WWC1: variants seen among roughly 807,000 people sequenced by gnomAD.
The protein encoded by WWC1 is WW and C2 domain containing 1.
WWC1 carries 55 observed loss-of-function variants against 138.4 expected under a neutral mutation model. That is an observed-to-expected ratio of 0.40 (90% CI 0.32 to 0.50). The LOEUF is 0.50. WWC1 is among the 20% of genes least tolerant of loss of function. The pLI, the probability that WWC1 is intolerant of heterozygous loss-of-function variation, is 0.72. For missense variants in WWC1, 1,226 were observed against 1,420.4 expected (o/e 0.86, Z 2.20); for synonymous variants, 524 against 564.9 (o/e 0.93, Z 1.03).
intron 15 of WWC1, among the ~76,000 whole-genome samples, chr5:168,436,392 C>G (rs1399385233): frequency 2.6e-5 from 4 of 152,148 alleles, no homozygotes; most frequent in Admixed American, 1.3e-4. Flanking sequence ...CCCTGACCTC[C>G]CTATATCAGA....
chr5:168,380,274 A>G (rs1777516239), intron 2 of WWC1, among the ~76,000 whole-genome samples: 1 of 152,076 alleles, frequency 6.6e-6, no homozygotes, highest in Non-Finnish European at 1.5e-5. Context: ...AAGGCAGCAC[A>G]GGGCAACACA....
At chr5:168,380,133 A>G (rs1777504063) in intron 2 of WWC1, among the ~76,000 whole-genome samples, 1 of 152,228 alleles carries the variant, frequency 6.6e-6, no homozygotes, top group South Asian at 2.1e-4. Flanking sequence ...CCAAGTATGT[A>G]AAGACGTCCT....
chr5:168,366,954 T>C (rs1317094298), intron 1 of WWC1, among the ~76,000 whole-genome samples: 1 of 151,318 alleles, frequency 6.6e-6, no homozygotes, highest in Non-Finnish European at 1.5e-5. Flanking sequence ...CCTGCCACCA[T>C]GCCCAGCTAA....
chr5:168,433,040 C>A (rs941681410), intron 15 of WWC1, among the ~76,000 whole-genome samples: 3 of 152,242 alleles, frequency 2.0e-5, no homozygotes, highest in Non-Finnish European at 2.9e-5. Context: ...TGTGGGGCCA[C>A]ATCCTTGGAT....
chr5:168,348,592 G>A (rs958761975), intron 1 of WWC1, among the ~76,000 whole-genome samples: 1 of 152,200 alleles, frequency 6.6e-6, no homozygotes, highest in South Asian at 2.1e-4. Flanking sequence ...ACATTTGCCA[G>A]CTGGGGGTGC....
chr5:168,369,986 C>T (rs1776621261), intron 1 of WWC1, among the ~76,000 whole-genome samples: 1 of 145,466 alleles, frequency 6.9e-6, no homozygotes, highest in South Asian at 2.2e-4. Context: ...GTGCACCCTC[C>T]ACTTCCCAGG....
intron 3 of WWC1, among the ~76,000 whole-genome samples, chr5:168,388,989 G>A (rs923455489): frequency 1.3e-5 from 2 of 152,164 alleles, no homozygotes; most frequent in African/African-American, 2.4e-5. Flanking sequence ...GGTGGGAAGA[G>A]GGATGGCAAG....
Position 168,464,914 on chromosome 5 carries a change from G to A in WWC1, c.3102G>A (p.Leu1034=), listed in dbSNP as rs1158812018. The A allele has an allele frequency of 6.2e-7, 1 of 1,614,108 alleles. No individual in the cohort carries two copies. Among genetic ancestry groups the A allele is most frequent in the Non-Finnish European group, 8.5e-7 (1 of 1,180,048 alleles). ...SHGEKELPQW[L]REDERFRLLL... ...GGGAGAAGGAGCTGCCACAGTGGTT[G>A]CGTGAGGACGAGCGTTTCCGCCTGC... Residue 1034 remains leucine (L), a synonymous_variant, in exon 21 of 23, where the codon TTG becomes TTA. Coordinates refer to ENST00000265293, the MANE Select transcript of WWC1 (RefSeq NM_015238.3).
intron 15 of WWC1, among the ~76,000 whole-genome samples, chr5:168,436,516 G>T (rs570584061): frequency 1.4e-4 from 22 of 152,160 alleles, no homozygotes; most frequent in African/African-American, 5.1e-4. Context: ...ATGGGCCTCC[G>T]CACTCGCCTC....
intron 1 of WWC1, among the ~76,000 whole-genome samples, chr5:168,338,187 T>C (rs1381038579): frequency 6.6e-6 from 1 of 151,450 alleles, no homozygotes; most frequent in Non-Finnish European, 1.5e-5. Context: ...GGCACGCACC[T>C]GTAATCCCAG....
chr5:168,408,383 A>C, intron 6 of WWC1, 124 bp from the exon 7 acceptor site: 1 of 1,116,868 alleles, frequency 9.0e-7, no homozygotes, highest in Non-Finnish European at 1.3e-6. Context: ...GATCAGTAGG[A>C]TATCTGGGGA....
intron 2 of WWC1, among the ~76,000 whole-genome samples, chr5:168,374,680 A>G (rs1777038275): frequency 6.6e-6 from 1 of 152,204 alleles, no homozygotes; most frequent in African/African-American, 2.4e-5. Flanking sequence ...AGAGTTTTAA[A>G]CAGATGAGTA....
chr5:168,430,569 A>C (rs1781858958), intron 14 of WWC1, among the ~76,000 whole-genome samples: 1 of 152,170 alleles, frequency 6.6e-6, no homozygotes, highest in Non-Finnish European at 1.5e-5. Flanking sequence ...AAGAATGGTC[A>C]CAGTCTGTTT....
chr5:168,466,655 A>G (rs1426550879), intron 21 of WWC1, among the ~76,000 whole-genome samples: 1 of 152,250 alleles, frequency 6.6e-6, no homozygotes, highest in African/African-American at 2.4e-5. Flanking sequence ...AAACAGGATT[A>G]TAACAAGAAC....
intron 9 of WWC1, among the ~76,000 whole-genome samples, chr5:168,418,768 C>T (rs1780858503): frequency 6.6e-6 from 1 of 152,110 alleles, no homozygotes; most frequent in South Asian, 2.1e-4. Context: ...GCGCCAGCTG[C>T]TCCTTGATCC....
chr5:168,300,577 G>C lies in WWC1; in HGVS notation c.119+8306G>C, dbSNP rs1417228663. On this transcript the variant is annotated intron_variant, in intron 1 of 22. Coordinates refer to ENST00000265293, the MANE Select transcript of WWC1 (RefSeq NM_015238.3). ...GGCTTAAGTTCTCACTCAATGGTCA[G>C]CCAGAAAAAAAAAAAAAAATGAAGC... Among the ~76,000 whole-genome samples the C allele has an allele frequency of 3.1e-5, 4 of 129,494 alleles. No homozygotes were observed. In the Admixed American group the frequency reaches 3.4e-4, roughly 11 times the overall value. The allele number at this position is 129,494 out of a possible 152,430, so 85.0% of individuals were successfully genotyped here.
chr5:168,403,871 TACACACACACACAC>T (rs57788100), intron 5 of WWC1, among the ~76,000 whole-genome samples: 34 of 134,368 alleles, frequency 2.5e-4, no homozygotes, highest in African/African-American at 4.0e-4. Context: ...AACACATGCA[TACACACACACACAC>T]ACACACACAC....
chr5:168,469,910 T>G lies in WWC1; in HGVS notation c.*893T>G, dbSNP rs554873660. ...TTGCCCACTGTTTTCATTTGCTCAT[T>G]AAATTAAAATGACTGCTCGGCTCAT... On this transcript the variant is annotated 3_prime_UTR_variant, in exon 23 of 23. Transcript: ENST00000265293. 40 of 152,278 alleles carry G rather than the reference T, an allele frequency of 2.6e-4. No homozygotes were observed. Among genetic ancestry groups the G allele is most frequent in the African/African-American group, 9.6e-4 (40 of 41,550 alleles). The allele number at this position is 152,278 out of a possible 1,614,324, so 9.4% of individuals were successfully genotyped here.
rs542237732 is a variant in WWC1, at chr5:168,300,447, C to G, written c.119+8176C>G. Among the ~76,000 whole-genome samples the G allele has an allele frequency of 4.4e-4, 57 of 130,258 alleles. No homozygotes were observed. The South Asian group carries it at 0.012, about 26-fold the overall frequency. 85.5% of individuals were successfully genotyped at this position (130,258 alleles called of 152,430 possible). A position where few individuals can be genotyped will look rare whatever the true frequency, so the allele number is the denominator to read the frequency against. ...TCACATGCCCATTCTCCCCACCCCCCACCCCTTGCCAGTTGCCTGCTCAAT... is the reference window on the plus strand; with the variant it reads ...TCACATGCCCATTCTCCCCACCCCCGACCCCTTGCCAGTTGCCTGCTCAAT... On this transcript the variant is annotated intron_variant, in intron 1 of 22. Coordinates refer to ENST00000265293, the MANE Select transcript of WWC1 (RefSeq NM_015238.3).
Sources: allele counts gnomAD v4.1 joint callset (sites outside exome capture counted in the v4.1 genomes callset), GRCh38; gene constraint gnomAD v4.1.1; transcripts MANE v1.5; gene names NCBI Gene and HGNC (gene_info 2026-07-23, HGNC 2026-07-21).